PSD3: variants seen among roughly 807,000 people sequenced by gnomAD.
PSD3 encodes the protein pleckstrin and Sec7 domain containing 3.
PSD3 carries 49 observed loss-of-function variants against 105.5 expected under a neutral mutation model. That is an observed-to-expected ratio of 0.46 (90% CI 0.37 to 0.59). PSD3 has a LOEUF of 0.59. PSD3 is among the 20% of genes least tolerant of loss of function. PSD3 has a pLI of 0.00. For missense variants in PSD3, 1,561 were observed against 1,263.8 expected (o/e 1.24, Z -3.57); for synonymous variants, 557 against 457.8 (o/e 1.22, Z -2.77).
chr8:18,974,096 C>T (rs555652206), intron 1 of PSD3, among the ~76,000 whole-genome samples: 14 of 152,176 alleles, frequency 9.2e-5, no homozygotes, highest in African/African-American at 2.4e-4. Flanking sequence ...CAGAAGAAAA[C>T]GAAAATACTA....
intron 10 of PSD3, among the ~76,000 whole-genome samples, chr8:18,638,134 GAC>G (rs1807400345): frequency 7.4e-6 from 1 of 135,334 alleles, no homozygotes; most frequent in Non-Finnish European, 1.5e-5. Context: ...CAGCCTGGGC[GAC>G]AGAGCGAGAT....
At chr8:18,781,609 G>A (rs1253763261) in intron 8 of PSD3, among the ~76,000 whole-genome samples, 1 of 152,064 alleles carries the variant, frequency 6.6e-6, no homozygotes, top group Non-Finnish European at 1.5e-5. Context: ...TCTGTGACTT[G>A]ACCCCTTTGC....
At chr8:18,654,703 C>T (rs1808758473) in intron 10 of PSD3, among the ~76,000 whole-genome samples, 1 of 152,170 alleles carries the variant, frequency 6.6e-6, no homozygotes, top group Non-Finnish European at 1.5e-5. Flanking sequence ...TTCTATTCCT[C>T]TCTTGGGGAC....
chr8:18,850,165 T>C (rs574417493), intron 4 of PSD3, among the ~76,000 whole-genome samples: 55 of 152,318 alleles, frequency 3.6e-4, no homozygotes, highest in African/African-American at 1.2e-3. Flanking sequence ...ATGAAAAGCA[T>C]TGAAAACCAG....
intron 12 of PSD3, among the ~76,000 whole-genome samples, chr8:18,599,452 T>C (rs769781746): frequency 3.3e-5 from 5 of 152,160 alleles, no homozygotes; most frequent in Non-Finnish European, 7.3e-5. Flanking sequence ...CCCATGTTCA[T>C]TGCGGCATTA....
intron 15 of PSD3, 128 bp downstream of exon 15, chr8:18,556,081 G>T: frequency 9.0e-7 from 1 of 1,111,572 alleles, no homozygotes. Context: ...CTTGCCAGGA[G>T]CTCCCAAATT....
chr8:18,851,727 CAG>C (rs1484938435), intron 4 of PSD3, among the ~76,000 whole-genome samples: 3 of 152,162 alleles, frequency 2.0e-5, no homozygotes, highest in African/African-American at 7.2e-5. Flanking sequence ...GCAAGCCCGA[CAG>C]AACTTTCCCT....
chr8:19,051,763 C>A (rs1157282876), intron 1 of PSD3, among the ~76,000 whole-genome samples: 1 of 152,178 alleles, frequency 6.6e-6, no homozygotes, highest in Non-Finnish European at 1.5e-5. Flanking sequence ...TTTGGTTCAT[C>A]ATTGTATCCA....
intron 2 of PSD3, among the ~76,000 whole-genome samples, chr8:18,918,898 C>G (rs1357974772): frequency 2.0e-5 from 3 of 152,058 alleles, no homozygotes; most frequent in Non-Finnish European, 4.4e-5. Flanking sequence ...AGTTCAGACC[C>G]GGGGAAGACT....
chr8:19,025,696 T>C (rs1827525055), intron 1 of PSD3, among the ~76,000 whole-genome samples: 1 of 152,196 alleles, frequency 6.6e-6, no homozygotes, highest in Non-Finnish European at 1.5e-5. Flanking sequence ...TTGGGGAAAG[T>C]CTTGTGGGAT....
At chr8:18,819,298 T>C (rs1812491379) in intron 4 of PSD3, among the ~76,000 whole-genome samples, 1 of 152,000 alleles carries the variant, frequency 6.6e-6, no homozygotes, top group African/African-American at 2.4e-5. Context: ...AAGGAGAGGA[T>C]AAAGTAACAG....
At chr8:18,876,732 C>G (rs1440052203) in intron 2 of PSD3, among the ~76,000 whole-genome samples, 3 of 152,066 alleles carry the variant, frequency 2.0e-5, no homozygotes, top group African/African-American at 7.2e-5. Context: ...CTATATATAC[C>G]TAGGAGTGAA....
chr8:18,648,670 G>A (rs185783888), intron 10 of PSD3, among the ~76,000 whole-genome samples: 1 of 152,322 alleles, frequency 6.6e-6, no homozygotes, highest in Non-Finnish European at 1.5e-5. Context: ...GCAAGAAAAT[G>A]GGGAAAATGC....
intron 9 of PSD3, among the ~76,000 whole-genome samples, chr8:18,764,955 G>C (rs1210501259): frequency 6.6e-6 from 1 of 152,122 alleles, no homozygotes; most frequent in African/African-American, 2.4e-5. Flanking sequence ...ACATCATGCT[G>C]ATGTTACCAA....
chr8:18,822,800 T>C (rs1812849989), intron 4 of PSD3, among the ~76,000 whole-genome samples: 1 of 152,198 alleles, frequency 6.6e-6, no homozygotes, highest in South Asian at 2.1e-4. Flanking sequence ...CCTAGTATAT[T>C]AACCCCATGT....
chr8:18,828,067 A>ATTTTT (rs71218905), intron 4 of PSD3, among the ~76,000 whole-genome samples: 8 of 118,878 alleles, frequency 6.7e-5, no homozygotes, highest in Non-Finnish European at 1.4e-4. Flanking sequence ...ATATATATAT[A>ATTTTT]TTTTTTTTTT....
At chr8:18,709,514 G>C (rs1439775604) in intron 9 of PSD3, among the ~76,000 whole-genome samples, 7 of 152,186 alleles carry the variant, frequency 4.6e-5, no homozygotes, top group African/African-American at 1.7e-4. Context: ...TCTTCAAGAG[G>C]GTCCCTGATC....
rs1292797942 is a variant in PSD3 at position 18,867,755 on chromosome 8, G to C, written c.1553C>G (p.Ser518Cys). ...SADGGIVMGY[S>C]SGVTNGLNDA... Reference sequence around the variant, plus strand: ...ATTCAGCCCATTGGTGACGCCACTAGAATAGCCCATCACGATGCCACCATC... The same window carrying C: ...ATTCAGCCCATTGGTGACGCCACTACAATAGCCCATCACGATGCCACCATC... Residue 518 changes from serine (S) to cysteine (C), a missense_variant, in exon 4 of 16, where the codon TCT (serine) becomes TGT (cysteine). Coordinates refer to ENST00000327040, the MANE Select transcript of PSD3 (RefSeq NM_015310.4). 6.2e-7 allele frequency: 1 copy of C among 1,613,946 alleles called. No individual in the cohort carries two copies. Among genetic ancestry groups the C allele is most frequent in the African/African-American group, 1.3e-5 (1 of 74,874 alleles).
At position 18,746,828 on chromosome 8, in the gene PSD3, G is replaced by A. The variant is rs147202217; in HGVS notation, c.2172+18621C>T. On this transcript the variant is annotated intron_variant, in intron 9 of 15. Transcript: ENST00000327040. ...TTTCCACTTTGAGTTTTCATGGACT[G>A]GTTGGTCTTAATTATTAATTTGTAT... is the stretch of plus-strand genomic sequence containing the variant. Among the ~76,000 whole-genome samples the A allele has an allele frequency of 1.2e-3, 185 of 152,322 alleles. 1 individual carries two copies. Among genetic ancestry groups the A allele is most frequent in the African/African-American group, 4.1e-3 (171 of 41,570 alleles).
Sources: allele counts gnomAD v4.1 joint callset (sites outside exome capture counted in the v4.1 genomes callset), GRCh38; gene constraint gnomAD v4.1.1; transcripts MANE v1.5; gene names NCBI Gene and HGNC (gene_info 2026-07-23, HGNC 2026-07-21).